The following CSGALNACT1 variants were observed in gnomAD, a reference collection of about 807,000 sequenced individuals.
CSGALNACT1 encodes beta4GalNAcT-1.
In CSGALNACT1, 52 loss-of-function variants were observed where a neutral mutation model predicts 51.0. The ratio of observed to expected loss-of-function variants is 1.02; its 90% CI spans 0.82 to 1.29. CSGALNACT1 has a LOEUF of 1.29. Ranked by LOEUF, CSGALNACT1 falls within the 50% of genes most tolerant of loss-of-function variation. The pLI, the probability that CSGALNACT1 is intolerant of heterozygous loss-of-function variation, is 0.00. For synonymous variants in CSGALNACT1, 341 were observed against 254.4 expected, an observed-to-expected ratio of 1.34 and a Z score of -3.24; for missense variants, 935 against 679.2, an observed-to-expected ratio of 1.38 and a Z score of -4.19.
At chr8:19,476,225 T>A (rs2069584096) in intron 4 of CSGALNACT1, among the ~76,000 whole-genome samples, 1 of 152,144 alleles carries the variant, frequency 6.6e-6, no homozygotes, top group South Asian at 2.1e-4. Context: ...TTGAGTGTAC[T>A]CCCCCAGTTT....
intron 3 of CSGALNACT1, among the ~76,000 whole-genome samples, chr8:19,549,391 T>G (rs1004643190): frequency 6.6e-6 from 1 of 152,204 alleles, no homozygotes; most frequent in African/African-American, 2.4e-5. Context: ...CTTCAATTTT[T>G]CATTTGGTTG....
chr8:19,536,051 A>G (rs1179761930), intron 3 of CSGALNACT1, among the ~76,000 whole-genome samples: 1 of 152,194 alleles, frequency 6.6e-6, no homozygotes, highest in Admixed American at 6.5e-5. Context: ...TGCAGAAGAC[A>G]TGATCTATAT....
intron 1 of CSGALNACT1, among the ~76,000 whole-genome samples, chr8:19,619,883 G>A (rs2053592618): frequency 6.6e-6 from 1 of 152,172 alleles, no homozygotes; most frequent in African/African-American, 2.4e-5. Flanking sequence ...CATGGTGCCA[G>A]ATTAACTCGG....
intron 5 of CSGALNACT1, among the ~76,000 whole-genome samples, chr8:19,446,111 G>C (rs956097881): frequency 2.6e-5 from 4 of 152,158 alleles, no homozygotes; most frequent in African/African-American, 9.7e-5. Flanking sequence ...GGAGCTAGAG[G>C]TTACAGTGAG....
chr8:19,722,948 G>A (rs1361770462), intron 1 of CSGALNACT1, among the ~76,000 whole-genome samples: 5 of 152,170 alleles, frequency 3.3e-5, no homozygotes, highest in Non-Finnish European at 7.3e-5. Context: ...TAGGCTATTT[G>A]GATTTCCTTG....
intron 1 of CSGALNACT1, among the ~76,000 whole-genome samples, chr8:19,710,646 G>GA (rs886526762): frequency 1.3e-5 from 2 of 150,530 alleles, no homozygotes; most frequent in East Asian, 1.9e-4. Context: ...TTTCTGGATG[G>GA]AAAAAAAAAG....
intron 4 of CSGALNACT1, among the ~76,000 whole-genome samples, chr8:19,491,092 A>G (rs1279397906): frequency 1.3e-5 from 2 of 152,202 alleles, no homozygotes; most frequent in African/African-American, 4.8e-5. Context: ...CAGGAAAAAA[A>G]AAAAAACCAA....
At chr8:19,624,258 C>T (rs371872207) in intron 1 of CSGALNACT1, among the ~76,000 whole-genome samples, 1 of 152,092 alleles carries the variant, frequency 6.6e-6, no homozygotes, top group Admixed American at 6.5e-5. Context: ...GGCTAAGAGA[C>T]CTGCCTCTGA....
At chr8:19,600,489 T>C (rs1048175998) in intron 2 of CSGALNACT1, among the ~76,000 whole-genome samples, 2 of 152,158 alleles carry the variant, frequency 1.3e-5, no homozygotes, top group East Asian at 1.9e-4. Flanking sequence ...TTTTGTATCA[T>C]CCAAGTAATT....
rs1324406387 is a variant in CSGALNACT1 at position 19,723,256 on chromosome 8, C to T, written c.-297+34594G>A. ...AAGGAACTTATATTTGGGGTATACA[C>T]CCAAATAAATGAAAACAATATCATA... On this transcript the variant is annotated intron_variant, in intron 1 of 1. Coordinates refer to the CSGALNACT1 transcript ENST00000517494. Among the ~76,000 whole-genome samples, 4 of 152,056 alleles carry T rather than the reference C, an allele frequency of 2.6e-5. No homozygotes were observed. The East Asian group carries it at 7.7e-4, about 29-fold the overall frequency.
At chr8:19,435,790 A>T (rs889904427) in intron 6 of CSGALNACT1, among the ~76,000 whole-genome samples, 1 of 152,224 alleles carries the variant, frequency 6.6e-6, no homozygotes, top group African/African-American at 2.4e-5. Flanking sequence ...AGATATTGAG[A>T]ATCGATTTGT....
chr8:19,667,215 G>A (rs1339621566), intron 1 of CSGALNACT1, among the ~76,000 whole-genome samples: 1 of 148,814 alleles, frequency 6.7e-6, no homozygotes, highest in Non-Finnish European at 1.5e-5. Context: ...GAGCTCTGGA[G>A]TTTGAGACCA....
chr8:19,666,465 C>T (rs894662683), intron 1 of CSGALNACT1, among the ~76,000 whole-genome samples: 3 of 151,834 alleles, frequency 2.0e-5, no homozygotes, highest in Admixed American at 6.6e-5. Flanking sequence ...GAGGCTGAGG[C>T]GGGTGAATCA....
intron 3 of CSGALNACT1, among the ~76,000 whole-genome samples, chr8:19,537,987 A>G (rs915229896): frequency 2.0e-5 from 3 of 152,198 alleles, no homozygotes; most frequent in East Asian, 3.9e-4. Context: ...CCAACTATGT[A>G]TCTAACAAAG....
intron 1 of CSGALNACT1, among the ~76,000 whole-genome samples, chr8:19,652,426 T>C (rs972361670): frequency 2.6e-5 from 4 of 152,164 alleles, no homozygotes; most frequent in Non-Finnish European, 5.9e-5. Context: ...TATCTAGAAA[T>C]AGATGCATCC....
chr8:19,739,071 G>C (rs984491990), intron 1 of CSGALNACT1, among the ~76,000 whole-genome samples: 2 of 151,722 alleles, frequency 1.3e-5, no homozygotes, highest in African/African-American at 4.8e-5. Context: ...ATAATTTTTA[G>C]GTATGAAAAC....
intron 1 of CSGALNACT1, among the ~76,000 whole-genome samples, chr8:19,664,978 A>G (rs762473341): frequency 5.9e-5 from 9 of 152,192 alleles, no homozygotes; most frequent in Non-Finnish European, 8.8e-5. Flanking sequence ...CAGACTTACC[A>G]CTATGTAGTA....
intron 8 of CSGALNACT1, among the ~76,000 whole-genome samples, chr8:19,417,199 T>G (rs1418496556): frequency 6.6e-6 from 1 of 152,178 alleles, no homozygotes. Context: ...TGTTTTTATG[T>G]ATAAAGCACA....
chr8:19,583,960 G>A (rs2154125176), intron 3 of CSGALNACT1, among the ~76,000 whole-genome samples: 1 of 152,318 alleles, frequency 6.6e-6, no homozygotes, highest in East Asian at 1.9e-4. Context: ...AGCCTTTGCG[G>A]CATGTTTATG....
Sources: allele counts gnomAD v4.1 joint callset (sites outside exome capture counted in the v4.1 genomes callset), GRCh38; gene constraint gnomAD v4.1.1; transcripts MANE v1.5; gene names NCBI Gene and HGNC (gene_info 2026-07-23, HGNC 2026-07-21).